The following HNRNPUL2 variants were observed in gnomAD, a reference collection of about 807,000 sequenced individuals.
HNRNPUL2 encodes the protein heterogeneous nuclear ribonucleoprotein U like 2.
HNRNPUL2 carries 27 observed loss-of-function variants against 102.2 expected under a neutral mutation model. The observed-to-expected ratio is 0.26, with a 90% CI of 0.19 to 0.36. The LOEUF is 0.36. Among genes scored for constraint, HNRNPUL2 ranks in the 10% least tolerant of loss-of-function variants. The probability of loss-of-function intolerance (pLI) is 1.00; values close to 1 mark genes in which losing one functional copy is unlikely to be tolerated. For synonymous variants in HNRNPUL2, 458 were observed against 387.2 expected, an observed-to-expected ratio of 1.18 and a Z score of -2.15; for missense variants, 936 against 981.1, an observed-to-expected ratio of 0.95 and a Z score of 0.61.
rs745810255 is a variant in HNRNPUL2 at position 62,721,873 on chromosome 11, G to A, written c.1429C>T (p.Pro477Ser). The A allele has an allele frequency of 1.2e-6, 2 of 1,613,976 alleles. No individual in the cohort carries two copies. Among genetic ancestry groups the A allele is most frequent in the African/African-American group, 2.7e-5 (2 of 74,896 alleles). ...CCCAGGACATTGTATCTTTTCTCAG[G>A]GTTTTCTTTTGCATATTTCAGTGCC... ...QWALKYAKEN[P>S]EKRYNVLGAE... The change falls in exon 8 of 14, where the codon CCT (proline) becomes TCT (serine). Residue 477 changes from proline (P) to serine (S), a missense_variant. Pro to Ser is a moderately conservative substitution (Grantham distance 74). This residue lies in a region of HNRNPUL2 where 609 missense variants were observed against 713.0 expected (regional missense o/e 0.85). Transcript: ENST00000301785.
chr11:62,720,311 C>T, intron 9 of HNRNPUL2, 120 bp from the exon 10 acceptor site: 5 of 862,246 alleles, frequency 5.8e-6, no homozygotes, highest in East Asian at 2.5e-5. Flanking sequence ...TTTGGGAGGC[C>T]GAGGTGGGCA....
rs2083728091 is a variant in HNRNPUL2 at position 62,724,422 on chromosome 11, A to T, written c.543T>A (p.Asp181Glu). ...GTTTTGACTTTTCACTATCCTGGTC[A>T]TCTCCTACAAAAACGAGGGAAAGAA... is the stretch of plus-strand genomic sequence containing the variant. ...PGDKAAEEQGDDQDSEKSKPA... is the reference protein window; with the variant it reads ...PGDKAAEEQGEDQDSEKSKPA... The change falls in exon 2 of 14, where the codon GAT (aspartate) becomes GAA (glutamate). Residue 181 changes from aspartate (D) to glutamate (E), a missense_variant. By Grantham distance (45) the Asp-to-Glu change is conservative. Coordinates refer to ENST00000301785, the MANE Select transcript of HNRNPUL2 (RefSeq NM_001079559.3). 1 of 1,614,032 alleles carries T rather than the reference A, an allele frequency of 6.2e-7. No individual in the cohort carries two copies. The highest frequency in any genetic ancestry group is 8.5e-7 in the Non-Finnish European group (1 of 1,179,986).
rs2134762482 is a variant in HNRNPUL2, at chr11:62,712,991, G to A, written c.*2308C>T. 6.6e-6 allele frequency: 1 copy of A among 152,210 alleles called. No homozygotes were observed. The highest frequency in any genetic ancestry group is 2.1e-4 in the South Asian group (1 of 4,822). 9.4% of individuals were successfully genotyped at this position (152,210 alleles called of 1,614,324 possible). A position where few individuals can be genotyped will look rare whatever the true frequency, so the allele number is the denominator to read the frequency against. ...TTAACATAGTTTTTCATAATAAAAAGACAGAAACAAAACCCGGACATCTAC... is the reference window on the plus strand; with the variant it reads ...TTAACATAGTTTTTCATAATAAAAAAACAGAAACAAAACCCGGACATCTAC... On this transcript the variant is annotated 3_prime_UTR_variant, in exon 14 of 14. Coordinates refer to ENST00000301785, the MANE Select transcript of HNRNPUL2 (RefSeq NM_001079559.3).
chr11:62,715,856 G>T lies in HNRNPUL2; in HGVS notation c.2055+8C>A. The T allele has an allele frequency of 6.2e-7, 1 of 1,612,774 alleles. No homozygotes were observed. Among genetic ancestry groups the T allele is most frequent in the Non-Finnish European group, 8.5e-7 (1 of 1,178,836 alleles). ...CAGAGTGAGGAGCAGAAGGAGAGCT[G>T]CACTCACCCCTCTGTTTCCAGGCTG... On this transcript the variant is annotated splice_region_variant and intron_variant, in intron 12 of 13. Coordinates refer to ENST00000301785, the MANE Select transcript of HNRNPUL2 (RefSeq NM_001079559.3).
At chr11:62,721,518 A>T in intron 8 of HNRNPUL2, 95 bp from the exon 9 acceptor site, 1 of 1,152,124 alleles carries the variant, frequency 8.7e-7, no homozygotes, top group Non-Finnish European at 1.2e-6. Flanking sequence ...CACCTCTTCA[A>T]ATACTGAATC....
chr11:62,714,607 G>C lies in HNRNPUL2; in HGVS notation c.*692C>G, dbSNP rs2083644999. 1 of 152,372 alleles carries C rather than the reference G, an allele frequency of 6.6e-6. No individual in the cohort carries two copies. Among genetic ancestry groups the C allele is most frequent in the South Asian group, 2.1e-4 (1 of 4,828 alleles). 9.4% of individuals were successfully genotyped at this position (152,372 alleles called of 1,614,324 possible). ...CTTGGCCTGGGAATCCTGTAAAATA[G>C]AACCACCCACTGGCAGTCTCCATGC... is the stretch of plus-strand genomic sequence containing the variant. On this transcript the variant is annotated 3_prime_UTR_variant, in exon 14 of 14. Coordinates refer to ENST00000301785, the MANE Select transcript of HNRNPUL2 (RefSeq NM_001079559.3).
In HNRNPUL2 at chr11:62,722,458, T is replaced by G. The variant is rs74643627; in HGVS notation, c.1096-78A>C. On this transcript the variant is annotated intron_variant, in intron 6 of 13. Transcript: ENST00000301785. Reference sequence around the variant, plus strand: ...TTAAACTTTACAATTTATTCTTTTTTCACACAGACTGCTGCACAAAGTAAC... The same window carrying G: ...TTAAACTTTACAATTTATTCTTTTTGCACACAGACTGCTGCACAAAGTAAC... 1,766 of 1,525,960 alleles carry G rather than the reference T, an allele frequency of 1.2e-3. 4 individuals carry two copies. The highest frequency in any genetic ancestry group is 0.011 in the Middle Eastern group (65 of 5,778). The allele number at this position is 1,525,960 out of a possible 1,614,324, so 94.5% of individuals were successfully genotyped here. A position where few individuals can be genotyped will look rare whatever the true frequency, so the allele number is the denominator to read the frequency against.
In HNRNPUL2 at chr11:62,715,886, C is replaced by G. The variant is rs2083656370; in HGVS notation, c.2033G>C (p.Trp678Ser). 6.2e-7 allele frequency: 1 copy of G among 1,613,900 alleles called. No individual in the cohort carries two copies. The highest frequency in any genetic ancestry group is 8.5e-7 in the Non-Finnish European group (1 of 1,179,928). ...YDNRAYGQQY[W>S]GQPGNRGGYR... Reference sequence around the variant, plus strand: ...CACCCCTCTGTTTCCAGGCTGCCCCCAGTACTGCTGCCCGTAGGCCCGGTT... The same window carrying G: ...CACCCCTCTGTTTCCAGGCTGCCCCGAGTACTGCTGCCCGTAGGCCCGGTT... Residue 678 changes from tryptophan to serine, a missense_variant, in exon 12 of 14, where the codon TGG (tryptophan) becomes TCG (serine). Physicochemically the swap from Trp to Ser is radical, Grantham distance 177. This residue lies in a region of HNRNPUL2 where 609 missense variants were observed against 713.0 expected (regional missense o/e 0.85). Transcript: ENST00000301785.
chr11:62,726,767 C>A lies in HNRNPUL2; in HGVS notation c.390G>T (p.Lys130Asn). Residue 130 changes from lysine to asparagine, a missense_variant, in exon 1 of 14, where the codon AAG becomes AAT. Coordinates refer to ENST00000301785, the MANE Select transcript of HNRNPUL2 (RefSeq NM_001079559.3). ...CTGACCCGGCCGTGGCCTCCGCCGG[C>A]TTCTCGGAAGCATCTGGCTCGGCCG... Reference protein sequence around the residue: ...EAAAEPDASEKPAEATAGSGG... With the variant: ...EAAAEPDASENPAEATAGSGG... The A allele has an allele frequency of 6.2e-7, 1 of 1,601,170 alleles. No homozygotes were observed.
intron 3 of HNRNPUL2, 23 bp downstream of exon 3, chr11:62,723,891 C>T: frequency 6.2e-7 from 1 of 1,609,294 alleles, no homozygotes; most frequent in South Asian, 1.1e-5. Context: ...TTAAAAACCA[C>T]AGTCTGTCTG....
At chr11:62,723,853 A>C (rs1489704686) in intron 3 of HNRNPUL2, 61 bp downstream of exon 3, 43 of 1,599,420 alleles carry the variant, frequency 2.7e-5, no homozygotes, top group Non-Finnish European at 3.5e-5. Flanking sequence ...TGAAGTTTTA[A>C]TCTCCAAAAT....
intron 10 of HNRNPUL2, among the ~76,000 whole-genome samples, chr11:62,717,965 A>G (rs2083672762): frequency 6.6e-6 from 1 of 152,228 alleles, no homozygotes; most frequent in Admixed American, 6.5e-5. Context: ...ATTCAGTTCA[A>G]TGGGGCTCTC....
chr11:62,720,260 T>C, intron 9 of HNRNPUL2, 69 bp from the exon 10 acceptor site: 1 of 1,498,708 alleles, frequency 6.7e-7, no homozygotes, highest in Non-Finnish European at 9.3e-7. Flanking sequence ...AAAGAATCAG[T>C]ATCAGCTGGG....
intron 1 of HNRNPUL2, 109 bp from the exon 2 acceptor site, chr11:62,724,535 G>C: frequency 8.3e-7 from 1 of 1,204,696 alleles, no homozygotes; most frequent in Non-Finnish European, 1.2e-6. Flanking sequence ...GATCAAAACA[G>C]CCAGGTTATT....
In HNRNPUL2 at chr11:62,726,761, C is replaced by G. The variant is rs907773814; in HGVS notation, c.396G>C (p.Ala132=). 4 of 1,600,950 alleles carry G rather than the reference C, an allele frequency of 2.5e-6. No homozygotes were observed. The African/African-American group carries it at 5.3e-5, about 21-fold the overall frequency. The change falls in exon 1 of 14, where the codon GCG becomes GCC. Residue 132 remains alanine (A), a synonymous_variant. Transcript: ENST00000301785. ...AAEPDASEKP[A]EATAGSGGVN... ...CCCCGCCTGACCCGGCCGTGGCCTC[C>G]GCCGGCTTCTCGGAAGCATCTGGCT...
chr11:62,723,453 T>A (rs1429137449), intron 4 of HNRNPUL2, 134 bp downstream of exon 4: 1 of 910,984 alleles, frequency 1.1e-6, no homozygotes, highest in African/African-American at 1.7e-5. Flanking sequence ...ATGGTGCCAC[T>A]GGACTCCAGC....
At chr11:62,715,826 C>T in intron 12 of HNRNPUL2, 38 bp downstream of exon 12, 3 of 1,582,412 alleles carry the variant, frequency 1.9e-6, no homozygotes, top group Non-Finnish European at 2.6e-6. Context: ...ATGGCTCTCA[C>T]AGCCCAGAGT....
At position 62,713,013 on chromosome 11, in the gene HNRNPUL2, CTACTG is replaced by C. The variant is rs2083631307; in HGVS notation, c.*2281_*2285del. The stretch of plus-strand genomic sequence containing the variant: ...AAAGACAGAAACAAAACCCGGACAT[CTACTG>C]TTGTTGCAAATGATCTCTTGGACTA... On this transcript the variant is annotated 3_prime_UTR_variant, in exon 14 of 14. Coordinates refer to ENST00000301785, the MANE Select transcript of HNRNPUL2 (RefSeq NM_001079559.3). 6.6e-6 allele frequency: 1 copy of C among 152,224 alleles called. No individual in the cohort carries two copies. Among genetic ancestry groups the C allele is most frequent in the Non-Finnish European group, 1.5e-5 (1 of 68,036 alleles). 9.4% of individuals were successfully genotyped at this position (152,224 alleles called of 1,614,324 possible).
intron 11 of HNRNPUL2, among the ~76,000 whole-genome samples, chr11:62,716,643 C>G (rs1196597391): frequency 6.6e-6 from 1 of 152,158 alleles, no homozygotes; most frequent in Non-Finnish European, 1.5e-5. Flanking sequence ...TTTCACTGCA[C>G]AAATCCTTCA....
Sources: allele counts gnomAD v4.1 joint callset (sites outside exome capture counted in the v4.1 genomes callset), GRCh38; gene constraint gnomAD v4.1.1; regional missense constraint gnomAD v4.1.1; transcripts MANE v1.5; gene names NCBI Gene and HGNC (gene_info 2026-07-23, HGNC 2026-07-21).